Variants in KIF26B observed in about 807,000 individuals in gnomAD.
KIF26B encodes the protein kinesin family member 26B, also known as kinesin-like protein KIF26B.
In KIF26B, 63 loss-of-function variants were observed where a neutral mutation model predicts 151.2. The observed-to-expected ratio is 0.42, with a 90% CI of 0.34 to 0.51. The LOEUF is 0.51. KIF26B is among the 20% of genes least tolerant of loss of function. The pLI is 0.07. For missense variants in KIF26B, 2,813 were observed against 2,913.6 expected (o/e 0.97, Z 0.79); for synonymous variants, 1,357 against 1,262.1 (o/e 1.08, Z -1.59).
chr1:245,158,681 A>G (rs1178691156), intron 2 of KIF26B, among the ~76,000 whole-genome samples: 1 of 152,210 alleles, frequency 6.6e-6, no homozygotes, highest in Non-Finnish European at 1.5e-5. Context: ...CCTGAGTTTT[A>G]TATGTGAAGC....
rs1476445719 is a variant in KIF26B, at chr1:245,697,982, A to G, written c.5825-124A>G. 10 of 812,808 alleles carry G rather than the reference A, an allele frequency of 1.2e-5. No individual in the cohort carries two copies. In the East Asian group the frequency reaches 1.9e-4, roughly 15 times the overall value. The allele number at this position is 812,808 out of a possible 1,614,324, so 50.3% of individuals were successfully genotyped here. A position where few individuals can be genotyped will look rare whatever the true frequency, so the allele number is the denominator to read the frequency against. ...CTTGAGCCCAGGAATTCAAGGCTGCAGTGAGCTATGGATCGCACCACTGCA... is the reference window on the plus strand; with the variant it reads ...CTTGAGCCCAGGAATTCAAGGCTGCGGTGAGCTATGGATCGCACCACTGCA... On this transcript the variant is annotated intron_variant, in intron 12 of 14. Coordinates refer to ENST00000407071, the MANE Select transcript of KIF26B (RefSeq NM_018012.4).
rs1464891363 is a variant in KIF26B, at chr1:245,686,983, A to G, written c.4000A>G (p.Lys1334Glu). The G allele has an allele frequency of 1.2e-6, 2 of 1,613,620 alleles. No homozygotes were observed. Among genetic ancestry groups the G allele is most frequent in the Non-Finnish European group, 1.7e-6 (2 of 1,179,856 alleles). Residue 1334 changes from lysine to glutamate, a missense_variant, in exon 12 of 15, where the codon AAG (lysine) becomes GAG (glutamate). By Grantham distance (56) the Lys-to-Glu change is moderately conservative (BLOSUM62 1). Around this residue, in one of 3 missense-constraint regions of KIF26B, gnomAD observed 2,060 missense variants for 2,088.6 expected, o/e 0.99. Coordinates refer to ENST00000407071, the MANE Select transcript of KIF26B (RefSeq NM_018012.4). This position sits in a 1 kb window ranked among gnomAD's most constrained non-coding sequence, Gnocchi z 5.6. ...NTAVVCREKP[K>E]ASPDNLLILS... ...CGCTGTGGTGTGCAGAGAGAAGCCCAAGGCCAGCCCCGACAACTTGCTCAT... is the reference window on the plus strand; with the variant it reads ...CGCTGTGGTGTGCAGAGAGAAGCCCGAGGCCAGCCCCGACAACTTGCTCAT...
chr1:245,620,176 G>A (rs114067770), intron 9 of KIF26B, among the ~76,000 whole-genome samples: 2,146 of 151,976 alleles, frequency 0.014, 51 homozygotes, highest in African/African-American at 0.048. Flanking sequence ...TTGATCTTAC[G>A]AACCACAAAG....
rs1469749255 is a variant in KIF26B, at chr1:245,688,177, A to T, written c.5194A>T (p.Ile1732Phe). Residue 1732 changes from isoleucine (I) to phenylalanine (F), a missense_variant, in exon 12 of 15, where the codon ATC becomes TTC. By Grantham distance (21) the Ile-to-Phe change is conservative. This residue lies in a region of KIF26B where 2,060 missense variants were observed against 2,088.6 expected (regional missense o/e 0.99). Transcript: ENST00000407071. ...CTCGCCCAAGGCCGGCCAGTCCAAG[A>T]TCTCCGCCGTGAGCAGACTCCTCCT... ...GASPKAGQSK[I>F]SAVSRLLLAS... 3 of 1,597,294 alleles carry T rather than the reference A, an allele frequency of 1.9e-6. No homozygotes were observed. The highest frequency in any genetic ancestry group is 3.3e-5 in the Admixed American group (2 of 59,788).
At chr1:245,306,312 A>G (rs1047044312) in intron 2 of KIF26B, among the ~76,000 whole-genome samples, 3 of 152,228 alleles carry the variant, frequency 2.0e-5, no homozygotes, top group African/African-American at 7.2e-5. Flanking sequence ...TTCCTTTGAT[A>G]TAAAGTGTCT....
At chr1:245,664,042 G>T (rs992186025) in intron 10 of KIF26B, among the ~76,000 whole-genome samples, 2 of 151,972 alleles carry the variant, frequency 1.3e-5, no homozygotes, top group South Asian at 2.1e-4. Flanking sequence ...TTACCTTTTT[G>T]CAGGTTCAAC....
At chr1:245,405,025 A>G (rs1217432235) in intron 3 of KIF26B, among the ~76,000 whole-genome samples, 3 of 152,252 alleles carry the variant, frequency 2.0e-5, no homozygotes, top group African/African-American at 7.2e-5. Context: ...AAATGAAAAC[A>G]CACACATGTA....
intron 5 of KIF26B, among the ~76,000 whole-genome samples, chr1:245,574,820 C>G (rs984478292): frequency 1.4e-5 from 2 of 147,368 alleles, no homozygotes; most frequent in Non-Finnish European, 3.0e-5. Flanking sequence ...GAATTGTGCT[C>G]TTTAGGGAAG....
intron 4 of KIF26B, among the ~76,000 whole-genome samples, chr1:245,430,468 C>A (rs748842646): frequency 6.6e-6 from 1 of 151,936 alleles, no homozygotes; most frequent in Non-Finnish European, 1.5e-5. Flanking sequence ...AGTTCAAGAC[C>A]AGCCTGGGCA....
intron 10 of KIF26B, among the ~76,000 whole-genome samples, chr1:245,662,987 T>C (rs2044173927): frequency 6.6e-6 from 1 of 151,646 alleles, no homozygotes; most frequent in Non-Finnish European, 1.5e-5. Flanking sequence ...TTCTCTCTTA[T>C]TCTCTTTCCC....
chr1:245,562,328 C>T (rs2042964540), intron 5 of KIF26B, among the ~76,000 whole-genome samples: 1 of 152,122 alleles, frequency 6.6e-6, no homozygotes, highest in Admixed American at 6.5e-5. Flanking sequence ...GCCCAAATCG[C>T]AATTTTACGT....
chr1:245,238,461 G>A (rs1175824386), intron 2 of KIF26B, among the ~76,000 whole-genome samples: 7 of 152,114 alleles, frequency 4.6e-5, no homozygotes, highest in East Asian at 1.9e-4. Context: ...TTTCCATATC[G>A]TGTTGCAGAT....
rs558618286 is a variant in KIF26B, at chr1:245,170,059, C to T, written c.465+13376C>T. Among the ~76,000 whole-genome samples the T allele has an allele frequency of 1.0e-3, 154 of 152,158 alleles. No individual in the cohort carries two copies. Among genetic ancestry groups the T allele is most frequent in the African/African-American group, 3.4e-3 (143 of 41,504 alleles). On this transcript the variant is annotated intron_variant, in intron 2 of 14. Coordinates refer to ENST00000407071, the MANE Select transcript of KIF26B (RefSeq NM_018012.4). The surrounding 1 kb of genome is among the most constrained non-coding windows in gnomAD (Gnocchi z 4.4). ...TGGTGTTTTGAAAAAAAAAATCACCCGTCCACTGCTGCATAACCAAAACGT... is the reference window on the plus strand; with the variant it reads ...TGGTGTTTTGAAAAAAAAAATCACCTGTCCACTGCTGCATAACCAAAACGT...
chr1:245,577,496 A>T lies in KIF26B; in HGVS notation c.1351-25081A>T, dbSNP rs1160762878. On this transcript the variant is annotated intron_variant, in intron 5 of 14. Coordinates refer to ENST00000407071, the MANE Select transcript of KIF26B (RefSeq NM_018012.4). ...GAGAGAAGAGGGTTTAGGAGACAAA[A>T]GAGCCAACAGCATGGAAGAGCTTTG... Among the ~76,000 whole-genome samples the T allele has an allele frequency of 2.0e-5, 3 of 152,372 alleles. No homozygotes were observed. In the East Asian group the frequency reaches 5.8e-4, roughly 29 times the overall value.
chr1:245,494,935 G>A (rs886747273), intron 4 of KIF26B, among the ~76,000 whole-genome samples: 3 of 152,132 alleles, frequency 2.0e-5, no homozygotes, highest in African/African-American at 7.2e-5. Context: ...AGCTACTTGG[G>A]AGGCTGAGGT....
At chr1:245,642,273 T>G (rs2043900050) in intron 9 of KIF26B, among the ~76,000 whole-genome samples, 1 of 152,108 alleles carries the variant, frequency 6.6e-6, no homozygotes, top group Non-Finnish European at 1.5e-5. Context: ...CAGAATCTGC[T>G]GTGGGAAGGA....
chr1:245,559,595 T>C (rs2042917416), intron 5 of KIF26B, among the ~76,000 whole-genome samples: 1 of 115,876 alleles, frequency 8.6e-6, no homozygotes, highest in Non-Finnish European at 2.2e-5. Flanking sequence ...GTATATTTTA[T>C]TAGAGGCAGG....
intron 3 of KIF26B, among the ~76,000 whole-genome samples, chr1:245,380,776 C>T (rs1673388810): frequency 6.6e-6 from 1 of 152,074 alleles, no homozygotes; most frequent in Admixed American, 6.5e-5. Flanking sequence ...CCACCGCACA[C>T]ACTCCTGACG....
chr1:245,436,309 C>T (rs1166244689), intron 4 of KIF26B, among the ~76,000 whole-genome samples: 2 of 152,160 alleles, frequency 1.3e-5, no homozygotes, highest in East Asian at 3.8e-4. Context: ...ACCTCTGCTA[C>T]CTGGGCTTGC....
Sources: gnomAD v4.1 joint callset for allele counts (sites outside exome capture counted in the v4.1 genomes callset) on GRCh38, gnomAD v4.1.1 for gene constraint, gnomAD v4.1.1 regional missense constraint, Gnocchi (gnomAD v3.1) non-coding constraint, MANE v1.5 for transcripts, NCBI Gene and HGNC (gene_info 2026-07-23, HGNC 2026-07-21) for gene names.